CSMD1: variants seen among roughly 807,000 people sequenced by gnomAD.
The protein encoded by CSMD1 is CUB and Sushi multiple domains 1.
In CSMD1, 213 loss-of-function variants were observed where a neutral mutation model predicts 417.5. The ratio of observed to expected loss-of-function variants is 0.51; its 90% CI spans 0.46 to 0.57. The LOEUF (loss-of-function observed/expected upper bound fraction) is 0.57. CSMD1 is among the 20% of genes least tolerant of loss of function. The probability of loss-of-function intolerance (pLI) is 0.00; values close to 1 mark genes in which losing one functional copy is unlikely to be tolerated. For missense variants in CSMD1, 6,923 were observed against 4,529.7 expected (o/e 1.53, Z -15.17); for synonymous variants, 2,862 against 1,736.8 (o/e 1.65, Z -16.11).
chr8:4,076,762 A>G (rs921139885), intron 3 of CSMD1, among the ~76,000 whole-genome samples: 1 of 152,046 alleles, frequency 6.6e-6, no homozygotes, highest in Non-Finnish European at 1.5e-5. Flanking sequence ...ATGACCTCAC[A>G]TTTCAGGCTC....
In CSMD1 at chr8:4,419,217, T is replaced by G. The variant is rs908343012; in HGVS notation, c.415+736A>C. 2.0e-5 allele frequency among the ~76,000 whole-genome samples: 3 copies of G among 152,176 alleles called. No individual in the cohort carries two copies. In the South Asian group the frequency reaches 6.2e-4, roughly 31 times the overall value. On this transcript the variant is annotated intron_variant, in intron 3 of 69. Transcript: ENST00000635120. The stretch of plus-strand genomic sequence containing the variant: ...AATTTACAGACTCCAGAGTTTCTGT[T>G]ACAGACAGTAGCTCTTGTATTACGT...
intron 5 of CSMD1, among the ~76,000 whole-genome samples, chr8:3,819,533 T>TAA (rs1801597179): frequency 2.4e-5 from 2 of 82,346 alleles, no homozygotes; most frequent in Non-Finnish European, 4.9e-5. Flanking sequence ...AGGTGATTTC[T>TAA]ACACACACAC....
chr8:3,823,612 T>A (rs555427680), intron 5 of CSMD1, among the ~76,000 whole-genome samples: 2 of 152,082 alleles, frequency 1.3e-5, no homozygotes, highest in Non-Finnish European at 2.9e-5. Context: ...TATGCTTGAA[T>A]CAAATAACAT....
chr8:3,198,741 C>G (rs893306738), intron 33 of CSMD1, among the ~76,000 whole-genome samples: 1 of 152,120 alleles, frequency 6.6e-6, no homozygotes, highest in Non-Finnish European at 1.5e-5. Context: ...TAATATAACA[C>G]TGTTATACTC....
At chr8:4,672,164 C>A (rs1351870816) in intron 1 of CSMD1, among the ~76,000 whole-genome samples, 1 of 152,206 alleles carries the variant, frequency 6.6e-6, no homozygotes, top group Non-Finnish European at 1.5e-5. Context: ...TACCTGCTGG[C>A]TTCCATTTGC....
intron 18 of CSMD1, among the ~76,000 whole-genome samples, chr8:3,385,218 C>T (rs1004380270): frequency 6.9e-6 from 1 of 145,000 alleles, no homozygotes; most frequent in Non-Finnish European, 1.5e-5. Context: ...AAATCATATA[C>T]ATATACATGC....
intron 2 of CSMD1, among the ~76,000 whole-genome samples, chr8:4,593,726 T>C (rs1456134310): frequency 6.6e-6 from 1 of 152,186 alleles, no homozygotes; most frequent in Non-Finnish European, 1.5e-5. Context: ...CTCTTAATTT[T>C]TCCAACAATT....
intron 26 of CSMD1, among the ~76,000 whole-genome samples, chr8:3,248,101 G>C (rs1800002531): frequency 6.6e-6 from 1 of 152,198 alleles, no homozygotes; most frequent in African/African-American, 2.4e-5. Flanking sequence ...CCCGAGGCAG[G>C]AGGATGACTT....
In CSMD1 at chr8:4,865,078, G is replaced by T. The variant is rs192854106; in HGVS notation, c.85+129254C>A. Among the ~76,000 whole-genome samples the T allele has an allele frequency of 5.4e-4, 82 of 151,434 alleles. 1 individual carries two copies. Among genetic ancestry groups the T allele is most frequent in the African/African-American group, 2.0e-3 (81 of 41,294 alleles). On this transcript the variant is annotated intron_variant, in intron 1 of 69. Coordinates refer to ENST00000635120, the MANE Select transcript of CSMD1 (RefSeq NM_033225.6). Reference sequence around the variant, plus strand: ...TATTTCAATAGGTTTTGGGGTACACGTGGTTTTCTGTTACCTGGATGAATT... The same window carrying T: ...TATTTCAATAGGTTTTGGGGTACACTTGGTTTTCTGTTACCTGGATGAATT...
intron 5 of CSMD1, among the ~76,000 whole-genome samples, chr8:3,875,628 C>T (rs1024866938): frequency 1.3e-5 from 2 of 152,102 alleles, no homozygotes; most frequent in Non-Finnish European, 2.9e-5. Flanking sequence ...ACCAGAGTTT[C>T]CTCACAGCCT....
chr8:4,353,344 C>G (rs971672537), intron 3 of CSMD1, among the ~76,000 whole-genome samples: 1 of 152,100 alleles, frequency 6.6e-6, no homozygotes, highest in African/African-American at 2.4e-5. Context: ...GACTTTGCTC[C>G]TCCTTTGCCT....
At chr8:4,709,498 C>A (rs924711053) in intron 1 of CSMD1, among the ~76,000 whole-genome samples, 1 of 152,212 alleles carries the variant, frequency 6.6e-6, no homozygotes, top group African/African-American at 2.4e-5. Context: ...CCTCATGTGC[C>A]ACCTTCCTCA....
intron 12 of CSMD1, among the ~76,000 whole-genome samples, chr8:3,452,999 G>T (rs1052435821): frequency 1.3e-5 from 2 of 152,194 alleles, no homozygotes; most frequent in Non-Finnish European, 2.9e-5. Context: ...TTCAGAGCCT[G>T]TTATTGGTCT....
chr8:3,701,734 T>C (rs537249834), intron 7 of CSMD1, among the ~76,000 whole-genome samples: 22 of 152,294 alleles, frequency 1.4e-4, no homozygotes, highest in Admixed American at 7.8e-4. Flanking sequence ...ACTCTACAGT[T>C]ATAATTACAT....
At chr8:4,367,291 C>G (rs575788085) in intron 3 of CSMD1, among the ~76,000 whole-genome samples, 1 of 152,104 alleles carries the variant, frequency 6.6e-6, no homozygotes, top group Admixed American at 6.5e-5. Flanking sequence ...AGACAGTTTT[C>G]CCAGCTCCAT....
intron 2 of CSMD1, among the ~76,000 whole-genome samples, chr8:4,577,223 A>G (rs1676463717): frequency 6.6e-6 from 1 of 152,178 alleles, no homozygotes; most frequent in Non-Finnish European, 1.5e-5. Flanking sequence ...CAAATATAGA[A>G]TGTAAGAAAG....
At chr8:4,985,538 C>A (rs1483779224) in intron 1 of CSMD1, among the ~76,000 whole-genome samples, 1 of 152,064 alleles carries the variant, frequency 6.6e-6, no homozygotes, top group Non-Finnish European at 1.5e-5. Context: ...TCTTCCTATC[C>A]CCAGTCATCA....
chr8:3,249,167 T>A (rs1016284906), intron 26 of CSMD1, among the ~76,000 whole-genome samples: 1 of 152,190 alleles, frequency 6.6e-6, no homozygotes, highest in Non-Finnish European at 1.5e-5. Flanking sequence ...AGCTGTATCA[T>A]GATGTAACAA....
intron 2 of CSMD1, among the ~76,000 whole-genome samples, chr8:4,503,669 G>GC (rs1325952524): frequency 3.9e-5 from 6 of 151,970 alleles, no homozygotes; most frequent in African/African-American, 1.4e-4. Context: ...TGCTAACTTG[G>GC]CCTGATGCAT....
Sources: gnomAD v4.1 joint callset for allele counts (sites outside exome capture counted in the v4.1 genomes callset) on GRCh38, gnomAD v4.1.1 for gene constraint, MANE v1.5 for transcripts, NCBI Gene and HGNC (gene_info 2026-07-23, HGNC 2026-07-21) for gene names.